WDR25: variants seen among roughly 807,000 people sequenced by gnomAD.
WDR25 encodes the protein WD repeat-containing protein 25.
WDR25 carries 35 observed loss-of-function variants against 47.7 expected under a neutral mutation model. That is an observed-to-expected ratio of 0.73 (90% CI 0.56 to 0.97). The LOEUF (loss-of-function observed/expected upper bound fraction) is 0.97. WDR25 is among the 50% of genes least tolerant of loss of function. The pLI is 0.00. For missense variants in WDR25, 634 were observed against 704.7 expected, an observed-to-expected ratio of 0.90 and a Z score of 1.14; for synonymous variants, 248 against 278.9, an observed-to-expected ratio of 0.89 and a Z score of 1.10.
At chr14:100,496,033 T>A (rs1346327954) in intron 4 of WDR25, among the ~76,000 whole-genome samples, 2 of 152,238 alleles carry the variant, frequency 1.3e-5, no homozygotes, top group Non-Finnish European at 2.9e-5. Context: ...TGCTAGACTG[T>A]TTTCCAAAGT....
Position 100,468,256 on chromosome 14 carries a change from A to G in WDR25, c.970+88A>G. On this transcript the variant is annotated intron_variant, in intron 3 of 6. Coordinates refer to ENST00000402312, the MANE Select transcript of WDR25 (RefSeq NM_001161476.3). The surrounding 1 kb of genome is among the most constrained non-coding windows in gnomAD (Gnocchi z 4.5). The stretch of plus-strand genomic sequence containing the variant: ...TGGTGGGCACGCAGCCACAAGCTGT[A>G]TACGCTTGCGTGGCAGAGGGAGAGG... 2 of 1,516,054 alleles carry G rather than the reference A, an allele frequency of 1.3e-6. No homozygotes were observed. The highest frequency in any genetic ancestry group is 3.9e-5 in the Admixed American group (2 of 51,192). 93.9% of individuals were successfully genotyped at this position (1,516,054 alleles called of 1,614,324 possible).
chr14:100,387,798 G>T (rs1897052189), intron 2 of WDR25, among the ~76,000 whole-genome samples: 1 of 152,222 alleles, frequency 6.6e-6, no homozygotes, highest in South Asian at 2.1e-4. Context: ...ATGGAAAAGC[G>T]CATCCCCTTC....
chr14:100,445,957 G>A (rs1898818757), intron 2 of WDR25, among the ~76,000 whole-genome samples: 1 of 152,174 alleles, frequency 6.6e-6, no homozygotes, highest in Non-Finnish European at 1.5e-5. Context: ...TACCAGTGTT[G>A]AGGTAAAGGA....
chr14:100,409,066 G>A (rs1897630474), intron 2 of WDR25, among the ~76,000 whole-genome samples: 1 of 152,162 alleles, frequency 6.6e-6, no homozygotes, highest in South Asian at 2.1e-4. Flanking sequence ...GGGCTTCATA[G>A]AAATTTCTAG....
chr14:100,483,463 GCATCT>G (rs946615712), intron 3 of WDR25, among the ~76,000 whole-genome samples: 3 of 152,124 alleles, frequency 2.0e-5, no homozygotes, highest in African/African-American at 7.2e-5. Context: ...TTATCGCCCA[GCATCT>G]CAGGCCACCC....
At chr14:100,399,758 A>G (rs930586686) in intron 2 of WDR25, among the ~76,000 whole-genome samples, 10 of 152,224 alleles carry the variant, frequency 6.6e-5, no homozygotes, top group Non-Finnish European at 1.3e-4. Flanking sequence ...CTGATGCCAC[A>G]GCTCATCATT....
At chr14:100,463,197 C>T (rs1036234829) in intron 2 of WDR25, among the ~76,000 whole-genome samples, 3 of 150,798 alleles carry the variant, frequency 2.0e-5, no homozygotes, top group Non-Finnish European at 4.4e-5. Flanking sequence ...TTCTTCTGCT[C>T]CTCCTCCTCT....
intron 3 of WDR25, among the ~76,000 whole-genome samples, chr14:100,479,004 A>G (rs1244361548): frequency 6.6e-6 from 1 of 152,030 alleles, no homozygotes; most frequent in Non-Finnish European, 1.5e-5. Context: ...GAAGCCGGCC[A>G]CTGAATGTTC....
At chr14:100,519,162 T>A (rs1417089840) in intron 4 of WDR25, among the ~76,000 whole-genome samples, 1 of 152,096 alleles carries the variant, frequency 6.6e-6, no homozygotes, top group Non-Finnish European at 1.5e-5. Flanking sequence ...TTTGACTTCC[T>A]TTCCCAACCC....
At position 100,381,455 on chromosome 14, in the gene WDR25, T is replaced by C; in HGVS notation, c.531T>C (p.Thr177=). 6.2e-7 allele frequency: 1 copy of C among 1,614,106 alleles called. No homozygotes were observed. The highest frequency in any genetic ancestry group is 8.5e-7 in the Non-Finnish European group (1 of 1,180,032). ...KKCEDCVVPY[T]PRRLRQRQAL... Reference sequence around the variant, plus strand: ...GTGAGGACTGTGTGGTACCCTATACTCCCAGAAGACTAAGACAGCGGCAGG... The same window carrying C: ...GTGAGGACTGTGTGGTACCCTATACCCCCAGAAGACTAAGACAGCGGCAGG... Residue 177 remains threonine, a synonymous_variant, in exon 2 of 7, where the codon ACT becomes ACC. Coordinates refer to ENST00000402312, the MANE Select transcript of WDR25 (RefSeq NM_001161476.3).
intron 2 of WDR25, 145 bp from the exon 3 acceptor site, chr14:100,467,876 G>A (rs1899689809): frequency 8.8e-7 from 1 of 1,134,830 alleles, no homozygotes; most frequent in Non-Finnish European, 1.2e-6. Context: ...GCAATGAAAA[G>A]TTTAACATCT....
At chr14:100,457,044 G>A (rs984116696) in intron 2 of WDR25, among the ~76,000 whole-genome samples, 4 of 148,802 alleles carry the variant, frequency 2.7e-5, no homozygotes, top group South Asian at 2.2e-4. Context: ...TGCAACCTCC[G>A]CCTCCCAGAT....
Position 100,423,065 on chromosome 14 carries a change from T to C in WDR25, c.822+41319T>C, listed in dbSNP as rs181094352. On this transcript the variant is annotated intron_variant, in intron 2 of 6. Transcript: ENST00000402312. ...GTATTTGTAATGTGATAGATTTTCA[T>C]TTAATCTCTCACCTCTCTATAATTT... Among the ~76,000 whole-genome samples the C allele has an allele frequency of 1.1e-4, 17 of 152,352 alleles. No individual in the cohort carries two copies. In the East Asian group the frequency reaches 2.3e-3, roughly 21 times the overall value.
In WDR25 at chr14:100,431,969, C is replaced by T. The variant is rs140224811; in HGVS notation, c.823-36052C>T. Reference sequence around the variant, plus strand: ...AGGTGATCCACCCGCCTCAGCCTCCCAAAGTGCTGGGATTACAGGCGTGAG... The same window carrying T: ...AGGTGATCCACCCGCCTCAGCCTCCTAAAGTGCTGGGATTACAGGCGTGAG... On this transcript the variant is annotated intron_variant, in intron 2 of 6. Coordinates refer to ENST00000402312, the MANE Select transcript of WDR25 (RefSeq NM_001161476.3). 3.2e-4 allele frequency among the ~76,000 whole-genome samples: 49 copies of T among 152,350 alleles called. 1 individual carries two copies. In the East Asian group the frequency reaches 7.7e-3, roughly 24 times the overall value.
Position 100,440,321 on chromosome 14 carries a change from GCAGA to G in WDR25, c.823-27696_823-27693del, listed in dbSNP as rs1898630293. ...ATTGCAAAATAGCTACTCTCAAAAT[GCAGA>G]CAGGCAGCCACAGTCAGGGAGCCCT... On this transcript the variant is annotated intron_variant, in intron 2 of 6. Coordinates refer to ENST00000402312, the MANE Select transcript of WDR25 (RefSeq NM_001161476.3). This position sits in a 1 kb window ranked among gnomAD's most constrained non-coding sequence, Gnocchi z 4.4. 6.6e-6 allele frequency among the ~76,000 whole-genome samples: 1 copy of G among 152,262 alleles called. No homozygotes were observed. Among genetic ancestry groups the G allele is most frequent in the African/African-American group, 2.4e-5 (1 of 41,470 alleles).
chr14:100,414,178 A>G (rs1897799105), intron 2 of WDR25, among the ~76,000 whole-genome samples: 1 of 151,892 alleles, frequency 6.6e-6, no homozygotes, highest in Non-Finnish European at 1.5e-5. Context: ...TTGTATTTTT[A>G]GTAGAGACGA....
intron 2 of WDR25, among the ~76,000 whole-genome samples, chr14:100,388,448 C>T (rs1897065946): frequency 6.6e-6 from 1 of 152,248 alleles, no homozygotes. Flanking sequence ...ATATTTGCTT[C>T]TCTTCTTTCC....
At chr14:100,387,294 T>G (rs989925459) in intron 2 of WDR25, among the ~76,000 whole-genome samples, 4 of 152,080 alleles carry the variant, frequency 2.6e-5, no homozygotes, top group Non-Finnish European at 4.4e-5. Flanking sequence ...TTACTGTAAC[T>G]CTTGTTTTTT....
chr14:100,437,236 G>A lies in WDR25; in HGVS notation c.823-30785G>A, dbSNP rs946839674. Among the ~76,000 whole-genome samples, 10 of 152,144 alleles carry A rather than the reference G, an allele frequency of 6.6e-5. No individual in the cohort carries two copies. In the East Asian group the frequency reaches 1.7e-3, roughly 26 times the overall value. On this transcript the variant is annotated intron_variant, in intron 2 of 6. Transcript: ENST00000402312. ...TGGTCTTGCTCCTGGAAGAGCACCTGCCTGTAGAAAGCAGGTCCCTTCTGC... is the reference window on the plus strand; with the variant it reads ...TGGTCTTGCTCCTGGAAGAGCACCTACCTGTAGAAAGCAGGTCCCTTCTGC...
Sources: allele counts gnomAD v4.1 joint callset (sites outside exome capture counted in the v4.1 genomes callset), GRCh38; gene constraint gnomAD v4.1.1; non-coding constraint Gnocchi (gnomAD v3.1); transcripts MANE v1.5; gene names NCBI Gene and HGNC (gene_info 2026-07-23, HGNC 2026-07-21).